Variants in NTM observed in about 807,000 individuals in gnomAD.
NTM encodes neurotrimin, also known as IgLON family member 2.
In NTM, 13 loss-of-function variants were observed where a neutral mutation model predicts 42.1. That is an observed-to-expected ratio of 0.31 (90% confidence interval 0.20 to 0.49). The LOEUF (loss-of-function observed/expected upper bound fraction) is 0.49, where lower values mean the gene tolerates loss of function less well. Ranked by LOEUF, NTM falls within the 20% of genes least tolerant of loss-of-function variation. The pLI, the probability that NTM is intolerant of heterozygous loss-of-function variation, is 0.99. For missense variants in NTM, 373 were observed against 452.8 expected, an observed-to-expected ratio of 0.82 and a Z score of 1.60; for synonymous variants, 187 against 179.2, an observed-to-expected ratio of 1.04 and a Z score of -0.35.
chr11:132,268,712 G>A (rs1009481440), intron 4 of NTM, among the ~76,000 whole-genome samples: 17 of 151,248 alleles, frequency 1.1e-4, no homozygotes, highest in Admixed American at 3.3e-4. Context: ...TAGATAGTGC[G>A]TTAAATTTAG....
At chr11:131,729,403 T>G (rs1018077466) in intron 1 of NTM, among the ~76,000 whole-genome samples, 3 of 152,190 alleles carry the variant, frequency 2.0e-5, no homozygotes, top group Non-Finnish European at 4.4e-5. Flanking sequence ...AACAAGTTAA[T>G]TTTCACAGTA....
chr11:131,884,277 T>C (rs1019474301), intron 1 of NTM, among the ~76,000 whole-genome samples: 3 of 151,666 alleles, frequency 2.0e-5, no homozygotes, highest in Non-Finnish European at 4.4e-5. Flanking sequence ...GACATGGTGG[T>C]GCATGCCTGT....
chr11:131,704,544 A>G (rs982738469), intron 1 of NTM, among the ~76,000 whole-genome samples: 4 of 152,254 alleles, frequency 2.6e-5, no homozygotes, highest in African/African-American at 9.6e-5. Flanking sequence ...TTTAAAATGC[A>G]GACACCAGTG....
chr11:131,806,660 G>A (rs1251615163), intron 1 of NTM, among the ~76,000 whole-genome samples: 3 of 152,126 alleles, frequency 2.0e-5, no homozygotes, highest in Non-Finnish European at 4.4e-5. Flanking sequence ...GTGGCAGAGC[G>A]AGGAGTGGTT....
chr11:131,849,074 G>A (rs966698070), intron 1 of NTM, among the ~76,000 whole-genome samples: 24 of 152,198 alleles, frequency 1.6e-4, no homozygotes, highest in Admixed American at 9.2e-4. Flanking sequence ...ACTCATTACC[G>A]TTAGGATTTT....
intron 3 of NTM, among the ~76,000 whole-genome samples, chr11:132,196,520 G>A (rs954372731): frequency 6.6e-6 from 1 of 151,962 alleles, no homozygotes; most frequent in African/African-American, 2.4e-5. Flanking sequence ...ATTCACAATA[G>A]CAAAGACATG....
intron 1 of NTM, among the ~76,000 whole-genome samples, chr11:131,541,342 G>A (rs1007617243): frequency 2.6e-5 from 4 of 152,180 alleles, no homozygotes; most frequent in East Asian, 3.9e-4. Context: ...GTCCCAGAAC[G>A]CTCCAGAATT....
chr11:131,769,932 G>T (rs1242949107), intron 1 of NTM, among the ~76,000 whole-genome samples: 1 of 152,150 alleles, frequency 6.6e-6, no homozygotes, highest in Non-Finnish European at 1.5e-5. Flanking sequence ...TCATTGGCAG[G>T]CTGCTCGCCA....
chr11:131,838,227 T>G (rs546325056), intron 1 of NTM, among the ~76,000 whole-genome samples: 1 of 151,996 alleles, frequency 6.6e-6, no homozygotes, highest in Admixed American at 6.6e-5. Context: ...GCATGCTCAG[T>G]GATCACTCAT....
At chr11:131,721,865 C>T (rs1466576529) in intron 1 of NTM, among the ~76,000 whole-genome samples, 2 of 151,418 alleles carry the variant, frequency 1.3e-5, no homozygotes, top group Admixed American at 6.6e-5. Flanking sequence ...TAGGCGTGGT[C>T]GTGGGCGCCT....
At chr11:131,617,996 C>T (rs1232685922) in intron 1 of NTM, among the ~76,000 whole-genome samples, 1 of 152,142 alleles carries the variant, frequency 6.6e-6, no homozygotes, top group African/African-American at 2.4e-5. Flanking sequence ...CTGATGTGGC[C>T]TGGGCTACAG....
intron 1 of NTM, among the ~76,000 whole-genome samples, chr11:131,881,009 A>T (rs533441007): frequency 1.2e-4 from 18 of 152,202 alleles, no homozygotes; most frequent in African/African-American, 4.3e-4. Context: ...ATTATTGTCT[A>T]CTTTCTGAAT....
In NTM at chr11:131,489,327, C is replaced by T. The variant is rs149692083; in HGVS notation, c.82+118439C>T. On this transcript the variant is annotated intron_variant, in intron 1 of 8. Transcript: ENST00000683400. The stretch of plus-strand genomic sequence containing the variant: ...CTCAAATGCCTCTTTTCACTTTGAA[C>T]TTCCTTATCCCTTTATTCAACCCGG... Among the ~76,000 whole-genome samples, 33 of 152,298 alleles carry T rather than the reference C, an allele frequency of 2.2e-4. No homozygotes were observed. In the East Asian group the frequency reaches 6.4e-3, roughly 29 times the overall value.
intron 2 of NTM, among the ~76,000 whole-genome samples, chr11:132,012,669 CTTGA>C (rs1555217997): frequency 6.6e-6 from 1 of 152,140 alleles, no homozygotes; most frequent in Non-Finnish European, 1.5e-5. Flanking sequence ...TTCCTCTTCT[CTTGA>C]TTAATTTAAT....
chr11:131,491,156 A>G (rs1407868487), intron 1 of NTM, among the ~76,000 whole-genome samples: 2 of 152,192 alleles, frequency 1.3e-5, no homozygotes, highest in African/African-American at 4.8e-5. Flanking sequence ...GAATTTCTAT[A>G]ACGTTACCAA....
intron 1 of NTM, among the ~76,000 whole-genome samples, chr11:131,477,324 G>A (rs1316396808): frequency 6.6e-6 from 1 of 151,988 alleles, no homozygotes; most frequent in Non-Finnish European, 1.5e-5. Flanking sequence ...CAGCTATCAA[G>A]GAACAGTGCA....
At chr11:132,179,793 C>G (rs1165571930) in intron 3 of NTM, among the ~76,000 whole-genome samples, 2 of 152,022 alleles carry the variant, frequency 1.3e-5, no homozygotes, top group African/African-American at 4.8e-5. Context: ...GGCTTGGCGA[C>G]TGGTATGGGA....
chr11:131,521,554 G>A (rs940468459), intron 1 of NTM, among the ~76,000 whole-genome samples: 5 of 151,272 alleles, frequency 3.3e-5, no homozygotes, highest in African/African-American at 9.7e-5. Flanking sequence ...GACTGCAAGG[G>A]CCCGAGGTGC....
At chr11:131,543,433 AGAAG>A (rs2053539091) in intron 1 of NTM, among the ~76,000 whole-genome samples, 1 of 152,232 alleles carries the variant, frequency 6.6e-6, no homozygotes, top group African/African-American at 2.4e-5. Context: ...CAAGACCCAC[AGAAG>A]AGCAGGGTCT....
Sources: gnomAD v4.1 joint callset for allele counts (sites outside exome capture counted in the v4.1 genomes callset) on GRCh38, gnomAD v4.1.1 for gene constraint, MANE v1.5 for transcripts, NCBI Gene and HGNC (gene_info 2026-07-23, HGNC 2026-07-21) for gene names.